The following CFAP97D2 variants were observed in gnomAD, a reference collection of about 807,000 sequenced individuals.
CFAP97D2 encodes the protein CFAP97 domain containing 2.
intron 1 of CFAP97D2, among the ~76,000 whole-genome samples, chr13:114,196,103 T>C (rs2080886078): frequency 6.8e-6 from 1 of 147,074 alleles, no homozygotes; most frequent in Non-Finnish European, 1.5e-5. Context: ...AAAAGCCTCT[T>C]GGCAATAGAG....
At chr13:114,215,477 A>G (rs2080989212) in intron 4 of CFAP97D2, among the ~76,000 whole-genome samples, 1 of 152,278 alleles carries the variant, frequency 6.6e-6, no homozygotes, top group Non-Finnish European at 1.5e-5. Context: ...GGGCTCTCTC[A>G]AGCTAAGATT....
At chr13:114,205,216 T>C (rs1341309110) in intron 3 of CFAP97D2, among the ~76,000 whole-genome samples, 2 of 152,222 alleles carry the variant, frequency 1.3e-5, no homozygotes, top group Admixed American at 1.3e-4. Flanking sequence ...CCTCCAGGGC[T>C]GGGAGGAATG....
intron 4 of CFAP97D2, among the ~76,000 whole-genome samples, chr13:114,213,189 C>T (rs2080976015): frequency 6.6e-6 from 1 of 152,172 alleles, no homozygotes; most frequent in African/African-American, 2.4e-5. Context: ...TGGAAGATTG[C>T]TTTCCTTAAA....
intron 3 of CFAP97D2, among the ~76,000 whole-genome samples, chr13:114,201,777 T>C (rs1010103719): frequency 6.6e-6 from 1 of 152,244 alleles, no homozygotes; most frequent in Non-Finnish European, 1.5e-5. Flanking sequence ...GTTGATGGAA[T>C]AAACATATCT....
chr13:114,194,578 T>C (rs951214884), intron 1 of CFAP97D2, among the ~76,000 whole-genome samples: 1 of 152,158 alleles, frequency 6.6e-6, no homozygotes, highest in African/African-American at 2.4e-5. Context: ...AAGCACTCTG[T>C]TGGGGGCACT....
chr13:114,182,475 A>G (rs375652580), intron 1 of CFAP97D2, among the ~76,000 whole-genome samples: 16 of 151,886 alleles, frequency 1.1e-4, no homozygotes, highest in African/African-American at 2.9e-4. Context: ...AATCCACCTC[A>G]GCACAGACCC....
chr13:114,201,737 A>T (rs765950851), intron 3 of CFAP97D2, among the ~76,000 whole-genome samples: 1 of 152,242 alleles, frequency 6.6e-6, no homozygotes. Flanking sequence ...GGGGAGTCTC[A>T]GCTGCTTCTG....
rs2081025101 is a variant in CFAP97D2, at chr13:114,222,196, G to T, written c.481-302G>T. Among the ~76,000 whole-genome samples, 1 of 152,188 alleles carries T rather than the reference G, an allele frequency of 6.6e-6. No homozygotes were observed. Among genetic ancestry groups the T allele is most frequent in the Admixed American group, 6.5e-5 (1 of 15,276 alleles). The stretch of plus-strand genomic sequence containing the variant: ...TAATCAGTGGTTGTCGGGGCTGGGG[G>T]AAGGGAAATTGGGGAGTGATCCCAA... On this transcript the variant is annotated intron_variant, in intron 4 of 4. Coordinates refer to ENST00000646158, the Ensembl canonical transcript of CFAP97D2. This position sits in a 1 kb window ranked among gnomAD's most constrained non-coding sequence, Gnocchi z 4.4.
chr13:114,205,369 C>T (rs768370933), intron 3 of CFAP97D2, among the ~76,000 whole-genome samples: 2 of 152,174 alleles, frequency 1.3e-5, no homozygotes, highest in African/African-American at 2.4e-5. Flanking sequence ...CATGTCTACA[C>T]GAAAACATAT....
intron 1 of CFAP97D2, among the ~76,000 whole-genome samples, chr13:114,190,603 A>G (rs1342651028): frequency 1.3e-5 from 2 of 152,364 alleles, no homozygotes; most frequent in Non-Finnish European, 2.9e-5. Flanking sequence ...CAAGATCTGT[A>G]TAAAGAAAAC....
rs377500560 is a variant in CFAP97D2 at position 114,222,467 on chromosome 13, C to T, written c.481-31C>T. ...AGTTTCTTGTTCTTGCCTAAGAAAG[C>T]GTTAGTTTCAAATATGTATTTTAAA... On this transcript the variant is annotated intron_variant, in intron 4 of 4. Coordinates refer to ENST00000646158, the Ensembl canonical transcript of CFAP97D2. The surrounding 1 kb of genome is among the most constrained non-coding windows in gnomAD (Gnocchi z 4.4). 2.8e-5 allele frequency: 11 copies of T among 398,538 alleles called. 1 individual carries two copies. Among genetic ancestry groups the T allele is most frequent in the Admixed American group, 4.4e-5 (1 of 22,730 alleles). 24.7% of individuals were successfully genotyped at this position (398,538 alleles called of 1,614,324 possible).
At chr13:114,196,326 G>A (rs1422849895) in intron 1 of CFAP97D2, 70 bp from the exon 2 acceptor site, 4 of 398,986 alleles carry the variant, frequency 1.0e-5, no homozygotes, top group Non-Finnish European at 1.8e-5. Context: ...AAAGACCCCA[G>A]AGCAGCACAA....
rs981918529 is a variant in CFAP97D2 at position 114,211,422 on chromosome 13, A to C, written c.291-490A>C. 6.6e-6 allele frequency among the ~76,000 whole-genome samples: 1 copy of C among 151,752 alleles called. No individual in the cohort carries two copies. Among genetic ancestry groups the C allele is most frequent in the Non-Finnish European group, 1.5e-5 (1 of 67,938 alleles). ...CCACACTGTCTTCCACATGTGCCAG[A>C]CTCTGTGCACTGCTAGACCCTCCAA... On this transcript the variant is annotated intron_variant, in intron 3 of 4. Coordinates refer to ENST00000646158, the Ensembl canonical transcript of CFAP97D2. This position sits in a 1 kb window ranked among gnomAD's most constrained non-coding sequence, Gnocchi z 4.2.
chr13:114,216,213 A>G (rs2080992620), intron 4 of CFAP97D2, among the ~76,000 whole-genome samples: 1 of 152,006 alleles, frequency 6.6e-6, no homozygotes. Context: ...TTCTCCAGGG[A>G]TCTCAGTGCT....
chr13:114,191,021 C>T (rs2080867443), intron 1 of CFAP97D2, among the ~76,000 whole-genome samples: 1 of 152,126 alleles, frequency 6.6e-6, no homozygotes, highest in African/African-American at 2.4e-5. Context: ...ACAGAACATC[C>T]ACATGGAAGA....
At chr13:114,182,186 T>C (rs1426043163) in intron 1 of CFAP97D2, among the ~76,000 whole-genome samples, 1 of 141,136 alleles carries the variant, frequency 7.1e-6, no homozygotes. Flanking sequence ...AGCAAAAGAG[T>C]CTATGTCGTA....
At chr13:114,182,228 T>A (rs147634119) in intron 1 of CFAP97D2, among the ~76,000 whole-genome samples, 2 of 148,700 alleles carry the variant, frequency 1.3e-5, no homozygotes, top group African/African-American at 2.5e-5. Context: ...TATGCCTGGA[T>A]GTGCACGTAG....
chr13:114,191,896 C>A (rs2080870704), intron 1 of CFAP97D2, among the ~76,000 whole-genome samples: 1 of 151,942 alleles, frequency 6.6e-6, no homozygotes, highest in Non-Finnish European at 1.5e-5. Flanking sequence ...TCATTCAATT[C>A]TAAAAAGAAA....
chr13:114,192,273 A>G (rs1454164717), intron 1 of CFAP97D2, among the ~76,000 whole-genome samples: 1 of 152,296 alleles, frequency 6.6e-6, no homozygotes, highest in Non-Finnish European at 1.5e-5. Flanking sequence ...ATTGTAACAA[A>G]CATACCACTC....
Sources: allele counts gnomAD v4.1 joint callset (sites outside exome capture counted in the v4.1 genomes callset), GRCh38; gene constraint gnomAD v4.1.1; non-coding constraint Gnocchi (gnomAD v3.1); transcripts MANE v1.5; gene names NCBI Gene and HGNC (gene_info 2026-07-23, HGNC 2026-07-21).